The following RDX variants were observed in gnomAD, a reference collection of about 807,000 sequenced individuals.
RDX encodes the protein deafness, autosomal recessive 24.
RDX carries 32 observed loss-of-function variants against 83.7 expected under a neutral mutation model. The observed-to-expected ratio is 0.38, with a 90% confidence interval of 0.29 to 0.51. The LOEUF (loss-of-function observed/expected upper bound fraction) is 0.51. RDX is among the 20% of genes least tolerant of loss of function. The pLI is 0.87. For synonymous variants in RDX, 229 were observed against 222.7 expected, an observed-to-expected ratio of 1.03 and a Z score of -0.25; for missense variants, 600 against 689.9, an observed-to-expected ratio of 0.87 and a Z score of 1.46.
At chr11:110,178,949 T>A (rs1353633832) in intron 15 of RDX, among the ~76,000 whole-genome samples, 5 of 152,182 alleles carry the variant, frequency 3.3e-5, no homozygotes, top group Non-Finnish European at 7.3e-5. Flanking sequence ...CCCTGCTGAT[T>A]TCGTTACACC....
intron 2 of RDX, among the ~76,000 whole-genome samples, chr11:110,275,346 G>A (rs1860469798): frequency 6.6e-6 from 1 of 152,158 alleles, no homozygotes; most frequent in South Asian, 2.1e-4. Context: ...CTGGCTGGTT[G>A]CAGAATAAGT....
chr11:110,185,490 G>C (rs1021020990), intron 15 of RDX: 1 of 152,140 alleles, frequency 6.6e-6, no homozygotes, highest in Non-Finnish European at 1.5e-5. Context: ...TTGGGAACTT[G>C]TCTGAAATGC....
chr11:110,295,115 G>A (rs11213342), intron 1 of RDX, among the ~76,000 whole-genome samples: 56,976 of 151,872 alleles, frequency 0.38, 11,153 homozygotes, highest in East Asian at 0.65. Context: ...TTAATCTCTG[G>A]AAGATAAAGC....
chr11:110,277,875 C>CT (rs1260253128), intron 2 of RDX, among the ~76,000 whole-genome samples: 2 of 152,140 alleles, frequency 1.3e-5, no homozygotes, highest in Admixed American at 1.3e-4. Context: ...TTCGCCTACT[C>CT]TAAGATCACA....
intron 14 of RDX, among the ~76,000 whole-genome samples, chr11:110,223,973 C>T (rs1591124459): frequency 6.6e-6 from 1 of 151,664 alleles, no homozygotes; most frequent in East Asian, 1.9e-4. Flanking sequence ...TGTGGTGAGC[C>T]GAGATAGCGC....
intron 9 of RDX, among the ~76,000 whole-genome samples, chr11:110,250,526 C>A (rs1036036676): frequency 3.3e-5 from 5 of 152,176 alleles, no homozygotes; most frequent in African/African-American, 1.2e-4. Context: ...CAACTAAGAG[C>A]CTTTCAGACC....
chr11:110,180,770 C>T (rs994640739), intron 15 of RDX, among the ~76,000 whole-genome samples: 4 of 151,862 alleles, frequency 2.6e-5, no homozygotes, highest in African/African-American at 7.3e-5. Context: ...TGGCTTTATC[C>T]TTCCAGGTGC....
At chr11:110,212,172 A>C (rs1428287714) in intron 14 of RDX, among the ~76,000 whole-genome samples, 1 of 151,254 alleles carries the variant, frequency 6.6e-6, no homozygotes, top group East Asian at 1.9e-4. Flanking sequence ...GATCCCACAG[A>C]AATACAAACT....
At chr11:110,245,273 A>C (rs1375532622) in intron 10 of RDX, among the ~76,000 whole-genome samples, 3 of 152,266 alleles carry the variant, frequency 2.0e-5, no homozygotes, top group East Asian at 3.9e-4. Flanking sequence ...TTTTTAAAAA[A>C]TAAAACTATA....
chr11:110,270,951 T>C (rs1433958682), intron 3 of RDX, among the ~76,000 whole-genome samples: 1 of 152,186 alleles, frequency 6.6e-6, no homozygotes, highest in Non-Finnish European at 1.5e-5. Flanking sequence ...TAAGATAGAC[T>C]GTATATTCAC....
At chr11:110,292,669 A>C (rs1378468827) in intron 1 of RDX, among the ~76,000 whole-genome samples, 2 of 152,100 alleles carry the variant, frequency 1.3e-5, no homozygotes, top group African/African-American at 4.8e-5. Flanking sequence ...AAAAACATTT[A>C]AGGTCCTGAA....
chr11:110,207,986 G>C (rs1863668136), intron 14 of RDX, among the ~76,000 whole-genome samples: 1 of 101,056 alleles, frequency 9.9e-6, no homozygotes, highest in Non-Finnish European at 2.1e-5. Context: ...AGTTGAATCA[G>C]ATTTTTTTTT....
chr11:110,291,678 G>A (rs758925821), intron 1 of RDX, among the ~76,000 whole-genome samples: 3 of 152,086 alleles, frequency 2.0e-5, no homozygotes, highest in Non-Finnish European at 2.9e-5. Context: ...CCACACCACC[G>A]CTCCTGGCTC....
At chr11:110,226,309 A>C (rs1864434576), downstream of RDX, among the ~76,000 whole-genome samples, 1 of 152,226 alleles carries the variant, frequency 6.6e-6, no homozygotes, top group Non-Finnish European at 1.5e-5. Context: ...AAAAGGAATA[A>C]AATTCTGATA....
At chr11:110,236,540 C>A (rs1591136079) in intron 11 of RDX, 1 of 211,638 alleles carries the variant, frequency 4.7e-6, no homozygotes, top group African/African-American at 2.4e-5. Flanking sequence ...ATGCTATATA[C>A]TTTAAATGGC....
Position 110,258,200 on chromosome 11 carries a change from C to CAAAA in RDX, c.468-15_468-12dup. On this transcript the variant is annotated splice_polypyrimidine_tract_variant and intron_variant, in intron 5 of 13. Transcript: ENST00000645495. ...TGTTGTTCCAATACACTAAGAGGACCAAAAAAAAAAAAAAATTATAATGAC... is the reference window on the plus strand; with the variant it reads ...TGTTGTTCCAATACACTAAGAGGACCAAAAAAAAAAAAAAAAAAATTATAATGAC... 2.5e-6 allele frequency: 3 copies of CAAAA among 1,224,370 alleles called. No individual in the cohort carries two copies. Among genetic ancestry groups the CAAAA allele is most frequent in the South Asian group, 1.4e-5 (1 of 70,074 alleles). 75.8% of individuals were successfully genotyped at this position (1,224,370 alleles called of 1,614,324 possible).
chr11:110,179,890 CTTTTTCT>C (rs1374131701), intron 15 of RDX: 12 of 412,262 alleles, frequency 2.9e-5, no homozygotes, highest in African/African-American at 7.2e-5. Context: ...TTTTCTTTTT[CTTTTTCT>C]TTTTTCTTTT....
chr11:110,237,427 C>A, intron 11 of RDX, 65 bp downstream of exon 11: 1 of 1,491,352 alleles, frequency 6.7e-7, no homozygotes, highest in Non-Finnish European at 9.1e-7. Context: ...TTCTTTTTTT[C>A]TTTTTTAGAG....
At chr11:110,288,866 CTTT>C (rs1211832635) in intron 1 of RDX, among the ~76,000 whole-genome samples, 2 of 152,046 alleles carry the variant, frequency 1.3e-5, no homozygotes, top group African/African-American at 4.8e-5. Context: ...AGTTTCCTCT[CTTT>C]TTTTATGTTG....
Sources: allele counts gnomAD v4.1 joint callset (sites outside exome capture counted in the v4.1 genomes callset), GRCh38; gene constraint gnomAD v4.1.1; transcripts MANE v1.5; gene names NCBI Gene and HGNC (gene_info 2026-07-23, HGNC 2026-07-21).